GRK5: variants seen among roughly 807,000 people sequenced by gnomAD.
The protein encoded by GRK5 is G protein-coupled receptor kinase 5.
A neutral mutation model predicts 78.4 loss-of-function variants in GRK5; 40 were observed. The observed-to-expected ratio is 0.51, with a 90% CI of 0.40 to 0.66. The LOEUF (loss-of-function observed/expected upper bound fraction) is 0.66, where lower values mean the gene tolerates loss of function less well. Ranked by LOEUF, GRK5 falls within the 30% of genes least tolerant of loss-of-function variation. The probability of loss-of-function intolerance (pLI) is 0.00; values close to 1 mark genes in which losing one functional copy is unlikely to be tolerated. For synonymous variants in GRK5, 289 were observed against 296.8 expected (o/e 0.97, Z 0.27); for missense variants, 598 against 759.9 (o/e 0.79, Z 2.50).
chr10:119,320,662 C>T (rs538979835), intron 1 of GRK5, among the ~76,000 whole-genome samples: 3 of 152,328 alleles, frequency 2.0e-5, no homozygotes, highest in African/African-American at 7.2e-5. Context: ...AGAAGGTGCT[C>T]CTGGCAGAAT....
rs200748109 is a variant in GRK5 at position 119,436,677 on chromosome 10, C to G, written c.765C>G (p.Thr255=). Residue 255 remains threonine, a synonymous_variant, in exon 9 of 16, where the codon ACC becomes ACG. Transcript: ENST00000392870. ...TCAACCTGGCCTATGCCTACGAGAC[C>G]AAGGATGCACTGTGCTTGGTCCTGA... ...FVVNLAYAYE[T]KDALCLVLTI... The G allele has an allele frequency of 8.8e-5, 142 of 1,614,224 alleles. No homozygotes were observed. In the East Asian group the frequency reaches 3.1e-3, roughly 35 times the overall value.
At chr10:119,367,060 G>A (rs983868806) in intron 2 of GRK5, among the ~76,000 whole-genome samples, 1 of 152,128 alleles carries the variant, frequency 6.6e-6, no homozygotes, top group South Asian at 2.1e-4. Flanking sequence ...TGCCTGGTAC[G>A]CAGGAAGCAC....
intron 2 of GRK5, among the ~76,000 whole-genome samples, chr10:119,343,741 G>A (rs1346290768): frequency 1.3e-5 from 2 of 152,206 alleles, no homozygotes; most frequent in Admixed American, 6.5e-5. Flanking sequence ...TGAGGTCCTT[G>A]CCCCGCAGAT....
rs539301288 is a variant in GRK5, at chr10:119,356,711, G to A, written c.149-24104G>A. The stretch of plus-strand genomic sequence containing the variant: ...ACAAGGAGATGCCAAGAATAGAGAA[G>A]ATGAACAACAACAACAACAAAACAG... On this transcript the variant is annotated intron_variant, in intron 2 of 15. Transcript: ENST00000392870. 5.3e-5 allele frequency among the ~76,000 whole-genome samples: 8 copies of A among 152,280 alleles called. No homozygotes were observed. In the South Asian group the frequency reaches 8.3e-4, roughly 16 times the overall value.
chr10:119,321,473 G>T (rs975507359), intron 1 of GRK5, among the ~76,000 whole-genome samples: 1 of 152,154 alleles, frequency 6.6e-6, no homozygotes, highest in East Asian at 1.9e-4. Context: ...GCCTTGGCTC[G>T]TGGCCCCTTC....
At chr10:119,324,333 A>G (rs1038630118) in intron 1 of GRK5, among the ~76,000 whole-genome samples, 6 of 152,194 alleles carry the variant, frequency 3.9e-5, no homozygotes, top group Non-Finnish European at 7.3e-5. Context: ...TGGGTATATC[A>G]TAGTTCCTGC....
At chr10:119,411,826 CATTGCAGATCTGCTTCTTTTTTTTT>C (rs1174347598) in intron 4 of GRK5, among the ~76,000 whole-genome samples, 1 of 139,292 alleles carries the variant, frequency 7.2e-6, no homozygotes, top group East Asian at 2.2e-4. Context: ...TCCTCAGCTT[CATTGCAGATCTGCTTCTTTTTTTTT>C]TTTTTTTTTT....
chr10:119,230,995 G>T (rs1310003458), intron 1 of GRK5, among the ~76,000 whole-genome samples: 1 of 152,044 alleles, frequency 6.6e-6, no homozygotes, highest in African/African-American at 2.4e-5. Context: ...CTGCAAAAAA[G>T]AGGGAGAGGG....
At chr10:119,441,915 G>A (rs117983291) in intron 10 of GRK5, 84 bp from the exon 11 acceptor site, 17,869 of 1,041,252 alleles carry the variant, frequency 0.017, 263 homozygotes, top group Non-Finnish European at 0.019. Context: ...CCGAGAGCTC[G>A]TATGCCTTGC....
intron 1 of GRK5, among the ~76,000 whole-genome samples, chr10:119,293,954 C>T (rs957388835): frequency 1.3e-5 from 2 of 152,088 alleles, no homozygotes; most frequent in South Asian, 2.1e-4. Flanking sequence ...CTGCTAATCC[C>T]GGGGGTCTGG....
intron 13 of GRK5, among the ~76,000 whole-genome samples, chr10:119,451,497 T>C (rs1343184415): frequency 2.6e-5 from 4 of 152,116 alleles, no homozygotes; most frequent in Non-Finnish European, 5.9e-5. Context: ...ATTCTAAATG[T>C]GGAACATGGA....
chr10:119,290,602 G>A lies in GRK5; in HGVS notation c.53-35914G>A, dbSNP rs61874513. 8.7e-3 allele frequency among the ~76,000 whole-genome samples: 1,320 copies of A among 151,758 alleles called. 10 individuals are homozygous for A. Among genetic ancestry groups the A allele is most frequent in the Non-Finnish European group, 0.012 (806 of 67,950 alleles). On this transcript the variant is annotated intron_variant, in intron 1 of 15. Transcript: ENST00000392870. ...ACTGTCTTCCCTTCCCAGGTACCCC[G>A]CAATCCAGCCATTCCCAAGGACTCA...
chr10:119,210,314 A>G (rs926770478), intron 1 of GRK5, among the ~76,000 whole-genome samples: 7 of 152,344 alleles, frequency 4.6e-5, no homozygotes, highest in Non-Finnish European at 1.0e-4. Flanking sequence ...AACCTCATTT[A>G]CAATTTGCAT....
chr10:119,451,203 G>A (rs777028063), intron 13 of GRK5, among the ~76,000 whole-genome samples: 1 of 149,930 alleles, frequency 6.7e-6, no homozygotes, highest in African/African-American at 2.5e-5. Flanking sequence ...CCTAAACCAC[G>A]AGCACTGTGA....
In GRK5 at chr10:119,279,400, A is replaced by G. The variant is rs1311125837; in HGVS notation, c.53-47116A>G. ...GAGCCCTGAGTGCAGTGCTTATGAT[A>G]GAAAGATGAGCTGGATAGTTCTTCC... On this transcript the variant is annotated intron_variant, in intron 1 of 15. Transcript: ENST00000392870. Among the ~76,000 whole-genome samples the G allele has an allele frequency of 2.6e-5, 4 of 152,294 alleles. No homozygotes were observed. The East Asian group carries it at 5.8e-4, about 22-fold the overall frequency.
chr10:119,282,278 G>C lies in GRK5; in HGVS notation c.53-44238G>C, dbSNP rs187972332. 7.9e-5 allele frequency among the ~76,000 whole-genome samples: 12 copies of C among 152,220 alleles called. No individual in the cohort carries two copies. In the East Asian group the frequency reaches 2.3e-3, roughly 29 times the overall value. On this transcript the variant is annotated intron_variant, in intron 1 of 15. Transcript: ENST00000392870. ...TCTAGATTTGCACAAACCTTTCTCT[G>C]AGCCTGGACCATTCTCCCAGGTCTT...
intron 3 of GRK5, among the ~76,000 whole-genome samples, chr10:119,383,353 C>T (rs1851744107): frequency 6.6e-6 from 1 of 152,206 alleles, no homozygotes; most frequent in South Asian, 2.1e-4. Flanking sequence ...GGGACATACA[C>T]CATCTGGTTG....
At chr10:119,308,068 C>T (rs1589734721) in intron 1 of GRK5, among the ~76,000 whole-genome samples, 1 of 152,264 alleles carries the variant, frequency 6.6e-6, no homozygotes, top group East Asian at 1.9e-4. Flanking sequence ...TGGGAGTGGG[C>T]ACCCATGGCG....
rs879450443 is a variant in GRK5, at chr10:119,253,588, C to T, written c.52+45619C>T. ...CACGGCTGGAACCAGGGCTTCAGCC[C>T]GGCGCACACCCAGCTCGTTTGGAGG... On this transcript the variant is annotated intron_variant, in intron 1 of 15. Transcript: ENST00000392870. This position sits in a 1 kb window ranked among gnomAD's most constrained non-coding sequence, Gnocchi z 5.7. Among the ~76,000 whole-genome samples, 16 of 152,226 alleles carry T rather than the reference C, an allele frequency of 1.1e-4. No homozygotes were observed. Among genetic ancestry groups the T allele is most frequent in the Admixed American group, 3.9e-4 (6 of 15,290 alleles).
Sources: gnomAD v4.1 joint callset for allele counts (sites outside exome capture counted in the v4.1 genomes callset) on GRCh38, gnomAD v4.1.1 for gene constraint, Gnocchi (gnomAD v3.1) non-coding constraint, MANE v1.5 for transcripts, NCBI Gene and HGNC (gene_info 2026-07-23, HGNC 2026-07-21) for gene names.